Variants in TRIM16 observed in about 807,000 individuals in gnomAD.
TRIM16 encodes the protein tripartite motif containing 16.
Under a neutral mutation model 50.4 loss-of-function variants are expected in TRIM16, and 33 were observed. That is an observed-to-expected ratio of 0.65 (90% CI 0.50 to 0.88). The LOEUF is 0.88. TRIM16 is among the 40% of genes least tolerant of loss of function. The pLI is 0.00. For missense variants in TRIM16, 581 were observed against 686.8 expected, an observed-to-expected ratio of 0.85 and a Z score of 1.72; for synonymous variants, 229 against 270.7, an observed-to-expected ratio of 0.85 and a Z score of 1.51.
intron 6 of TRIM16, among the ~76,000 whole-genome samples, chr17:15,659,705 C>A (rs1988135359): frequency 6.6e-6 from 1 of 152,222 alleles, no homozygotes. Flanking sequence ...TGTTCTCTTG[C>A]CCTGGGACAG....
chr17:15,642,873 A>ACGGG (rs1260612694), intron 7 of TRIM16, 57 bp from the exon 8 acceptor site: 6 of 488,626 alleles, frequency 1.2e-5, no homozygotes, highest in Non-Finnish European at 1.4e-5. Flanking sequence ...ACAGAAGGAC[A>ACGGG]CGGGCACTCT....
At chr17:15,659,958 C>CCAGGG (rs145552019) in intron 6 of TRIM16, among the ~76,000 whole-genome samples, 4,373 of 152,296 alleles carry the variant, frequency 0.029, 158 homozygotes, top group African/African-American at 0.085. Flanking sequence ...AGGCCAATGG[C>CCAGGG]CAGGGCAGGG....
chr17:15,676,832 T>A (rs887318276), intron 6 of TRIM16, among the ~76,000 whole-genome samples: 1 of 152,172 alleles, frequency 6.6e-6, no homozygotes, highest in African/African-American at 2.4e-5. Context: ...ATTCTTTCCT[T>A]CTCTTCATAT....
Position 15,628,821 on chromosome 17 carries a change from C to T in TRIM16, c.1489G>A (p.Val497Ile). The change falls in exon 12 of 12, where the codon GTC becomes ATC. Residue 497 changes from valine to isoleucine, a missense_variant. Val to Ile is a conservative substitution (Grantham distance 29). Transcript: ENST00000649191. ...LKAGPFRRLG[V>I]YIDFPGGILS... ...ATCCCTCCCGGGAAGTCGATATAGA[C>T]CCCGAGCCTCCGGAAAGGGCCAGCT... The T allele has an allele frequency of 6.2e-7, 1 of 1,614,178 alleles. No homozygotes were observed. Among genetic ancestry groups the T allele is most frequent in the Non-Finnish European group, 8.5e-7 (1 of 1,180,018 alleles).
In TRIM16 at chr17:15,628,757, A is replaced by T. The variant is rs758915885; in HGVS notation, c.1553T>A (p.Leu518Gln). Residue 518 changes from leucine (L) to glutamine (Q), a missense_variant, in exon 12 of 12, where the codon CTG (leucine) becomes CAG (glutamine). Leu to Gln is a moderately radical substitution (Grantham distance 113). Coordinates refer to ENST00000649191, the MANE Select transcript of TRIM16 (RefSeq NM_001348119.1). ...FYGVEYDTMT[L>Q]VHKFACKFSE... is the part of the protein sequence containing the mutation. Reference sequence around the variant, plus strand: ...AAATTTGCAGGCAAACTTGTGAACCAGAGTCATGGTATCATACTCTACGCC... The same window carrying T: ...AAATTTGCAGGCAAACTTGTGAACCTGAGTCATGGTATCATACTCTACGCC... The T allele has an allele frequency of 6.2e-7, 1 of 1,614,228 alleles. No individual in the cohort carries two copies. Among genetic ancestry groups the T allele is most frequent in the South Asian group, 1.1e-5 (1 of 91,088 alleles).
At chr17:15,661,387 CT>C (rs1285480172) in intron 6 of TRIM16, among the ~76,000 whole-genome samples, 1 of 152,178 alleles carries the variant, frequency 6.6e-6, no homozygotes, top group African/African-American at 2.4e-5. Context: ...AAGGATCACC[CT>C]CCTCTCTCTA....
chr17:15,646,879 C>A (rs550072459), intron 7 of TRIM16, among the ~76,000 whole-genome samples: 1 of 152,262 alleles, frequency 6.6e-6, no homozygotes, highest in South Asian at 2.1e-4. Context: ...ACACTGCCCC[C>A]TCTCAAAATA....
chr17:15,657,694 AT>A (rs1206404275), intron 6 of TRIM16, among the ~76,000 whole-genome samples: 1 of 152,182 alleles, frequency 6.6e-6, no homozygotes, highest in African/African-American at 2.4e-5. Context: ...AGGTTCATTC[AT>A]ATCGTAGCAT....
Position 15,631,600 on chromosome 17 carries a change from G to C in TRIM16, c.1111+19C>G. The C allele has an allele frequency of 6.2e-7, 1 of 1,613,736 alleles. No individual in the cohort carries two copies. The highest frequency in any genetic ancestry group is 8.5e-7 in the Non-Finnish European group (1 of 1,179,680). ...ACTGATATCAACAACTGGAGAAGCGGGTGCCGTTCACAACTTACATTGGAG... is the reference window on the plus strand; with the variant it reads ...ACTGATATCAACAACTGGAGAAGCGCGTGCCGTTCACAACTTACATTGGAG... On this transcript the variant is annotated intron_variant, in intron 11 of 11. Coordinates refer to ENST00000649191, the MANE Select transcript of TRIM16 (RefSeq NM_001348119.1).
intron 6 of TRIM16, among the ~76,000 whole-genome samples, chr17:15,669,242 C>T (rs958581330): frequency 2.0e-5 from 3 of 151,512 alleles, no homozygotes; most frequent in Admixed American, 6.6e-5. Context: ...ACAGAAATAG[C>T]AGCATGACCA....
chr17:15,679,823 G>C (rs2151430682), intron 4 of TRIM16, among the ~76,000 whole-genome samples: 2 of 152,162 alleles, frequency 1.3e-5, no homozygotes, highest in South Asian at 4.2e-4. Context: ...TGTAGTCCCA[G>C]CTACTCGGGA....
Position 15,628,472 on chromosome 17 carries a change from C to T in TRIM16, c.*143G>A, listed in dbSNP as rs1234564849. 7.7e-6 allele frequency: 5 copies of T among 648,414 alleles called. No homozygotes were observed. In the East Asian group the frequency reaches 1.4e-4, roughly 18 times the overall value. The allele number at this position is 648,414 out of a possible 1,614,324, so 40.2% of individuals were successfully genotyped here. On this transcript the variant is annotated 3_prime_UTR_variant, in exon 12 of 12. Coordinates refer to ENST00000649191, the MANE Select transcript of TRIM16 (RefSeq NM_001348119.1). ...CAGCACCATATGGAGCAAAAGAGAGCAGCTGGAGAATGTTTTCATTCAGAG... is the reference window on the plus strand; with the variant it reads ...CAGCACCATATGGAGCAAAAGAGAGTAGCTGGAGAATGTTTTCATTCAGAG...
intron 8 of TRIM16, 136 bp from the exon 9 acceptor site, chr17:15,636,405 C>A: frequency 1.3e-6 from 1 of 789,276 alleles, no homozygotes; most frequent in Non-Finnish European, 2.0e-6. Flanking sequence ...AAAAGGAATC[C>A]TTTATTCTCA....
Position 15,628,736 on chromosome 17 carries a change from T to A in TRIM16, c.1574A>T (p.Lys525Ile). 6.2e-7 allele frequency: 1 copy of A among 1,614,142 alleles called. No individual in the cohort carries two copies. Among genetic ancestry groups the A allele is most frequent in the Admixed American group, 1.7e-5 (1 of 60,016 alleles). The change falls in exon 12 of 12, where the codon AAA (lysine) becomes ATA (isoleucine). Residue 525 changes from lysine to isoleucine, a missense_variant. Lys to Ile is a moderately radical substitution (Grantham distance 102). Around this residue, in one of 3 missense-constraint regions of TRIM16, gnomAD observed 115 missense variants for 106.7 expected, o/e 1.08. Transcript: ENST00000649191. ...TMTLVHKFAC[K>I]FSEPVYAAFW... ...GGCAGCATAGACTGGTTCTGAAAAT[T>A]TGCAGGCAAACTTGTGAACCAGAGT...
intron 7 of TRIM16, among the ~76,000 whole-genome samples, chr17:15,646,024 G>A (rs570015455): frequency 6.6e-6 from 1 of 152,286 alleles, no homozygotes; most frequent in Admixed American, 6.5e-5. Context: ...CTAGCAACAG[G>A]CTCCTACAAC....
intron 6 of TRIM16, among the ~76,000 whole-genome samples, chr17:15,658,173 G>A (rs1988061828): frequency 6.6e-6 from 1 of 152,038 alleles, no homozygotes; most frequent in East Asian, 1.9e-4. Context: ...TCCCACCAAT[G>A]GACAAACTCT....
chr17:15,631,796 T>TC, intron 10 of TRIM16, 82 bp from the exon 11 acceptor site: 1 of 1,298,964 alleles, frequency 7.7e-7, no homozygotes, highest in Non-Finnish European at 1.1e-6. Flanking sequence ...CAGCCACCCT[T>TC]CCCTGGGCTT....
At chr17:15,645,250 T>C (rs1410682047) in intron 7 of TRIM16, among the ~76,000 whole-genome samples, 1 of 152,238 alleles carries the variant, frequency 6.6e-6, no homozygotes, top group African/African-American at 2.4e-5. Context: ...GAACTTTGTA[T>C]AGTACCAGGG....
chr17:15,643,801 C>T (rs1987224510), intron 7 of TRIM16, among the ~76,000 whole-genome samples: 1 of 152,194 alleles, frequency 6.6e-6, no homozygotes, highest in Non-Finnish European at 1.5e-5. Context: ...CCCACAAGAG[C>T]CAAACAGGGA....
Sources: gnomAD v4.1 joint callset for allele counts (sites outside exome capture counted in the v4.1 genomes callset) on GRCh38, gnomAD v4.1.1 for gene constraint, gnomAD v4.1.1 regional missense constraint, MANE v1.5 for transcripts, NCBI Gene and HGNC (gene_info 2026-07-23, HGNC 2026-07-21) for gene names.